The following TEK variants were observed in gnomAD, a reference collection of about 807,000 sequenced individuals.
TEK encodes the protein TEK receptor tyrosine kinase, also known as angiopoietin-1 receptor.
In TEK, 43 loss-of-function variants were observed where a neutral mutation model predicts 131.8. That is an observed-to-expected ratio of 0.33 (90% CI 0.26 to 0.42). The LOEUF is 0.42. Among genes scored for constraint, TEK ranks in the 10% least tolerant of loss-of-function variants. TEK has a pLI of 1.00. For synonymous variants in TEK, 580 were observed against 491.6 expected, an observed-to-expected ratio of 1.18 and a Z score of -2.38; for missense variants, 1,162 against 1,384.4, an observed-to-expected ratio of 0.84 and a Z score of 2.55.
At position 27,217,769 on chromosome 9, in the gene TEK, T is replaced by C. The variant is rs1003707787; in HGVS notation, c.3062+11T>C. On this transcript the variant is annotated intron_variant, in intron 19 of 22. Transcript: ENST00000380036. ...AACCAACAGTGATGTGTGAGTAAAC[T>C]TCTTATTGCCAAGGGATTTTTTTTC... is the stretch of plus-strand genomic sequence containing the variant. The C allele has an allele frequency of 6.3e-7, 1 of 1,575,034 alleles. No homozygotes were observed. The highest frequency in any genetic ancestry group is 8.6e-7 in the Non-Finnish European group (1 of 1,167,694).
rs575260951 is a variant in TEK, at chr9:27,169,408, G to C, written c.476-69G>C. ...CATGTCAGGGAAAGCTAATTAAGTG[G>C]AGAAACCAGACAAGGAAGCAGGTAT... is the stretch of plus-strand genomic sequence containing the variant. On this transcript the variant is annotated intron_variant, in intron 3 of 22. Transcript: ENST00000380036. The C allele has an allele frequency of 2.5e-5, 40 of 1,604,836 alleles. No individual in the cohort carries two copies. The South Asian group carries it at 4.2e-4, about 17-fold the overall frequency.
chr9:27,229,503 G>A lies in TEK; in HGVS notation c.*271G>A. 4 of 471,038 alleles carry A rather than the reference G, an allele frequency of 8.5e-6. No homozygotes were observed. Among genetic ancestry groups the A allele is most frequent in the South Asian group, 7.4e-5 (3 of 40,504 alleles). 29.2% of individuals were successfully genotyped at this position (471,038 alleles called of 1,614,324 possible). A position where few individuals can be genotyped will look rare whatever the true frequency, so the allele number is the denominator to read the frequency against. Reference sequence around the variant, plus strand: ...CAATAATATATTTTTTTAAAAATGTGGACTTCATAGGAAGGCGTGAGTACA... The same window carrying A: ...CAATAATATATTTTTTTAAAAATGTAGACTTCATAGGAAGGCGTGAGTACA... On this transcript the variant is annotated 3_prime_UTR_variant, in exon 23 of 23. Transcript: ENST00000380036.
rs1158070915 is a variant in TEK at position 27,109,631 on chromosome 9, T to G, written c.41T>G (p.Leu14Trp). The G allele has an allele frequency of 1.6e-5, 26 of 1,614,214 alleles. No homozygotes were observed. Among genetic ancestry groups the G allele is most frequent in the Non-Finnish European group, 2.2e-5 (26 of 1,180,008 alleles). ...LASLVLCGVS[L>W]LLSGTVEGAM... is the part of the protein sequence containing the mutation. ...AGCTTAGTTCTCTGTGGAGTCAGCTTGCTCCTTTCTGGTAAGGTTTGGCTT... is the reference window on the plus strand; with the variant it reads ...AGCTTAGTTCTCTGTGGAGTCAGCTGGCTCCTTTCTGGTAAGGTTTGGCTT... Residue 14 changes from leucine to tryptophan, a missense_variant, in exon 1 of 23, where the codon TTG (leucine) becomes TGG (tryptophan). Leu to Trp is a moderately conservative substitution (Grantham distance 61, BLOSUM62 -2). Coordinates refer to ENST00000380036, the MANE Select transcript of TEK (RefSeq NM_000459.5).
intron 6 of TEK, among the ~76,000 whole-genome samples, chr9:27,174,019 G>A (rs892886450): frequency 5.9e-5 from 9 of 151,778 alleles, no homozygotes; most frequent in African/African-American, 2.2e-4. Flanking sequence ...CTTACCTGCC[G>A]TGGACCTTAT....
At chr9:27,131,044 C>T (rs1379010457) in intron 1 of TEK, among the ~76,000 whole-genome samples, 1 of 152,136 alleles carries the variant, frequency 6.6e-6, no homozygotes, top group Non-Finnish European at 1.5e-5. Flanking sequence ...AAACAAGATA[C>T]CAATTTTCCA....
intron 15 of TEK, 147 bp downstream of exon 15, chr9:27,206,939 T>A: frequency 1.1e-6 from 1 of 895,618 alleles, no homozygotes; most frequent in Non-Finnish European, 1.8e-6. Context: ...ATGCTTCCTT[T>A]GAAGTTGAGC....
chr9:27,110,172 C>CTTTTTTTT (rs56159018), intron 1 of TEK, among the ~76,000 whole-genome samples: 2 of 144,864 alleles, frequency 1.4e-5, no homozygotes, highest in Non-Finnish European at 3.0e-5. Flanking sequence ...AAATTGTAGG[C>CTTTTTTTT]TTTTTTTTTT....
chr9:27,177,488 TGCCTGTAATCCCA>T, intron 6 of TEK, among the ~76,000 whole-genome samples: 1 of 152,332 alleles, frequency 6.6e-6, no homozygotes, highest in East Asian at 1.9e-4. Context: ...CGATGGCTCA[TGCCTGTAATCCCA>T]GCACTTTGGG....
chr9:27,171,634 C>T (rs1453568366), intron 4 of TEK, among the ~76,000 whole-genome samples: 1 of 152,182 alleles, frequency 6.6e-6, no homozygotes, highest in African/African-American at 2.4e-5. Flanking sequence ...GGGAATCTTT[C>T]CACGTACCCA....
intron 21 of TEK, among the ~76,000 whole-genome samples, chr9:27,224,984 C>A (rs920274416): frequency 6.6e-6 from 1 of 152,130 alleles, no homozygotes; most frequent in Non-Finnish European, 1.5e-5. Flanking sequence ...GAGAGCCAAA[C>A]CATGAGTGAA....
chr9:27,166,960 TTAGA>T (rs1334437684), intron 2 of TEK, among the ~76,000 whole-genome samples: 1 of 152,204 alleles, frequency 6.6e-6, no homozygotes, highest in Non-Finnish European at 1.5e-5. Flanking sequence ...TTGAGGAAAG[TTAGA>T]TAGACTGTTT....
intron 1 of TEK, among the ~76,000 whole-genome samples, chr9:27,122,315 G>T (rs1587480887): frequency 6.6e-6 from 1 of 152,128 alleles, no homozygotes; most frequent in Non-Finnish European, 1.5e-5. Context: ...GAGAAAACAG[G>T]GATCTCACCA....
At chr9:27,178,335 C>T (rs1045955048) in intron 6 of TEK, among the ~76,000 whole-genome samples, 1 of 151,946 alleles carries the variant, frequency 6.6e-6, no homozygotes, top group African/African-American at 2.4e-5. Flanking sequence ...GTTTTTATGC[C>T]AGTACCATAC....
intron 18 of TEK, among the ~76,000 whole-genome samples, chr9:27,217,302 C>T (rs1278823145): frequency 6.6e-6 from 1 of 152,200 alleles, no homozygotes; most frequent in East Asian, 1.9e-4. Flanking sequence ...GTTCTCTTCA[C>T]CCTACCCCAG....
intron 21 of TEK, among the ~76,000 whole-genome samples, chr9:27,220,830 G>A (rs1447150751): frequency 6.6e-6 from 1 of 152,212 alleles, no homozygotes; most frequent in Non-Finnish European, 1.5e-5. Context: ...AGGGCCATGG[G>A]TTGCAAGCAC....
intron 11 of TEK, among the ~76,000 whole-genome samples, chr9:27,196,274 C>T (rs1026994401): frequency 6.6e-6 from 1 of 152,100 alleles, no homozygotes; most frequent in Non-Finnish European, 1.5e-5. Context: ...ATCTATTTTT[C>T]CACTGAATGG....
intron 16 of TEK, among the ~76,000 whole-genome samples, chr9:27,211,469 GATAGA>G (rs1825629976): frequency 9.1e-6 from 1 of 109,420 alleles, no homozygotes; most frequent in African/African-American, 3.5e-5. Context: ...TAGATAGATA[GATAGA>G]TAGGGTCTCA....
Position 27,206,811 on chromosome 9 carries a change from A to G in TEK, c.2575+19A>G, listed in dbSNP as rs1190500268. ...ATGAAAGGTCAGTGGTTGACCAGAT[A>G]GAGTCAGCATTGCGTGAGGGTGTGG... On this transcript the variant is annotated intron_variant, in intron 15 of 22. Transcript: ENST00000380036. The G allele has an allele frequency of 6.2e-7, 1 of 1,611,906 alleles. No individual in the cohort carries two copies. Among genetic ancestry groups the G allele is most frequent in the Non-Finnish European group, 8.5e-7 (1 of 1,179,236 alleles).
intron 1 of TEK, among the ~76,000 whole-genome samples, chr9:27,144,880 G>A (rs994142889): frequency 3.9e-5 from 6 of 152,198 alleles, no homozygotes; most frequent in African/African-American, 1.4e-4. Flanking sequence ...AACATATAGG[G>A]AGGGAAAAGA....
Sources: allele counts gnomAD v4.1 joint callset (sites outside exome capture counted in the v4.1 genomes callset), GRCh38; gene constraint gnomAD v4.1.1; transcripts MANE v1.5; gene names NCBI Gene and HGNC (gene_info 2026-07-23, HGNC 2026-07-21).